Variants in TOP2A observed in about 807,000 individuals in gnomAD.
The protein encoded by TOP2A is DNA topoisomerase 2-alpha.
Under a neutral mutation model 187.2 loss-of-function variants are expected in TOP2A, and 68 were observed. The ratio of observed to expected loss-of-function variants is 0.36; its 90% CI spans 0.30 to 0.44. The LOEUF is 0.44. Among genes scored for constraint, TOP2A ranks in the 20% least tolerant of loss-of-function variants. The probability of loss-of-function intolerance (pLI) is 1.00; values close to 1 mark genes in which losing one functional copy is unlikely to be tolerated. For missense variants in TOP2A, 1,196 were observed against 1,808.7 expected (o/e 0.66, Z 6.14); for synonymous variants, 542 against 593.2 (o/e 0.91, Z 1.25).
intron 10 of TOP2A, chr17:40,409,406 T>C (rs761339472): frequency 1.7e-5 from 7 of 423,232 alleles, no homozygotes; most frequent in Non-Finnish European, 2.3e-5. Flanking sequence ...ATAAATAAAA[T>C]TAGACACAAA....
At chr17:40,407,747 T>A in intron 12 of TOP2A, 73 bp from the exon 13 acceptor site, 1 of 1,406,314 alleles carries the variant, frequency 7.1e-7, no homozygotes, top group Non-Finnish European at 9.5e-7. Context: ...ACAGTATATG[T>A]TGCTTGGATT....
intron 17 of TOP2A, 49 bp from the exon 18 acceptor site, chr17:40,404,540 C>G (rs372772083): frequency 9.0e-7 from 1 of 1,109,434 alleles, no homozygotes; most frequent in Admixed American, 2.3e-5. Context: ...AAACAATGCT[C>G]AACACAAAAA....
chr17:40,390,176 T>C lies in TOP2A; in HGVS notation c.4268-12A>G. On this transcript the variant is annotated splice_polypyrimidine_tract_variant and intron_variant, in intron 33 of 34. Transcript: ENST00000423485. ...GGTGGAAGACTGACCTGCAATTCAA[T>C]ACAGGCATTTGTCACAGCTGCTCTT... is the stretch of plus-strand genomic sequence containing the variant. 1 of 1,602,322 alleles carries C rather than the reference T, an allele frequency of 6.2e-7. No homozygotes were observed. Among genetic ancestry groups the C allele is most frequent in the Non-Finnish European group, 8.5e-7 (1 of 1,175,026 alleles).
chr17:40,392,442 C>T, intron 30 of TOP2A, 101 bp from the exon 31 acceptor site: 1 of 1,478,898 alleles, frequency 6.8e-7, no homozygotes, highest in Non-Finnish European at 9.2e-7. Flanking sequence ...TTTAAATCTC[C>T]TGAAAGATGC....
intron 17 of TOP2A, 59 bp downstream of exon 17, chr17:40,404,732 A>G: frequency 8.9e-7 from 1 of 1,123,868 alleles, no homozygotes. Context: ...TTGCTATAGT[A>G]TCAATACCAA....
intron 27 of TOP2A, among the ~76,000 whole-genome samples, chr17:40,396,787 T>G (rs1018846096): frequency 2.0e-5 from 3 of 152,136 alleles, no homozygotes; most frequent in African/African-American, 7.2e-5. Context: ...AAGGAAGTGA[T>G]GCACACTTAT....
At chr17:40,389,915 C>T (rs770877631) in intron 34 of TOP2A, 50 bp downstream of exon 34, 7 of 1,535,200 alleles carry the variant, frequency 4.6e-6, no homozygotes, top group South Asian at 3.7e-5. Flanking sequence ...GGCTTAGTTA[C>T]GTGTTTCAGA....
Position 40,388,838 on chromosome 17 carries a change from C to T in TOP2A, c.*681G>A, listed in dbSNP as rs774819996. 16 of 198,246 alleles carry T rather than the reference C, an allele frequency of 8.1e-5. No individual in the cohort carries two copies. Among genetic ancestry groups the T allele is most frequent in the Admixed American group, 3.0e-4 (5 of 16,514 alleles). The allele number at this position is 198,246 out of a possible 1,614,324, so 12.3% of individuals were successfully genotyped here. The stretch of plus-strand genomic sequence containing the variant: ...TTGGGAGATTCAGACTCAGAGGCAG[C>T]CAGAGGGGACAGGTCAAGAGCTGAA... On this transcript the variant is annotated 3_prime_UTR_variant, in exon 35 of 35. Transcript: ENST00000423485.
intron 29 of TOP2A, among the ~76,000 whole-genome samples, chr17:40,394,338 T>C (rs916362021): frequency 6.6e-6 from 1 of 152,216 alleles, no homozygotes; most frequent in Non-Finnish European, 1.5e-5. Context: ...TGGCATACTT[T>C]ATTTTTATTT....
intron 1 of TOP2A, chr17:40,417,536 C>G: frequency 7.0e-7 from 1 of 1,424,208 alleles, no homozygotes; most frequent in African/African-American, 1.4e-5. Context: ...GACTCCTGCC[C>G]CTAGAAACAG....
chr17:40,407,447 C>T, intron 13 of TOP2A, 102 bp downstream of exon 13: 3 of 912,362 alleles, frequency 3.3e-6, no homozygotes, highest in Non-Finnish European at 3.2e-6. Flanking sequence ...ATGAATAAAG[C>T]TCCTATTTAA....
At chr17:40,403,083 G>A (rs2143655314) in intron 19 of TOP2A, 29 bp from the exon 20 acceptor site, 1 of 1,569,148 alleles carries the variant, frequency 6.4e-7, no homozygotes, top group Non-Finnish European at 8.7e-7. Context: ...TCATTAAGCT[G>A]AGGCTTTTAC....
chr17:40,399,264 G>A (rs547830009), intron 24 of TOP2A, 133 bp from the exon 25 acceptor site: 24 of 670,008 alleles, frequency 3.6e-5, no homozygotes, highest in East Asian at 1.4e-4. Flanking sequence ...TGTATATCCC[G>A]GTATACAGGC....
chr17:40,410,585 CAAA>C (rs753605894), intron 10 of TOP2A: 227 of 454,914 alleles, frequency 5.0e-4, no homozygotes, highest in Middle Eastern at 1.3e-3. Flanking sequence ...TGTAGTAAAC[CAAA>C]AAAGAGATAA....
intron 10 of TOP2A, among the ~76,000 whole-genome samples, chr17:40,409,787 A>G (rs952504970): frequency 6.6e-6 from 1 of 151,842 alleles, no homozygotes; most frequent in East Asian, 1.9e-4. Context: ...CTCAAAAAAA[A>G]AAAAAAAAAA....
At chr17:40,396,241 A>G (rs1281487096) in intron 28 of TOP2A, 42 bp downstream of exon 28, 3 of 1,172,334 alleles carry the variant, frequency 2.6e-6, no homozygotes, top group South Asian at 1.4e-5. Context: ...TTGGCCCCCA[A>G]AGTGCTGGGA....
At chr17:40,416,278 T>C (rs2035389071) in intron 3 of TOP2A, 144 bp downstream of exon 3, 1 of 715,996 alleles carries the variant, frequency 1.4e-6, no homozygotes, top group African/African-American at 1.8e-5. Flanking sequence ...TATCAACTGA[T>C]TGAAATGACA....
chr17:40,409,264 T>C (rs2035287921), intron 10 of TOP2A: 1 of 310,000 alleles, frequency 3.2e-6, no homozygotes, highest in African/African-American at 2.4e-5. Context: ...TAATCCTAGC[T>C]GCTTGGGAGG....
Position 40,408,472 on chromosome 17 carries a change from A to G in TOP2A, c.1342+20T>C, listed in dbSNP as rs748346268. ...ACAACTATAAGACTTAAAAGTTTGG[A>G]AACATTATTAAATATATACCTGCAT... On this transcript the variant is annotated intron_variant, in intron 11 of 34. Coordinates refer to ENST00000423485, the MANE Select transcript of TOP2A (RefSeq NM_001067.4). 6.3e-7 allele frequency: 1 copy of G among 1,592,980 alleles called. No homozygotes were observed. The highest frequency in any genetic ancestry group is 1.8e-5 in the Admixed American group (1 of 54,672).
Sources: allele counts gnomAD v4.1 joint callset (sites outside exome capture counted in the v4.1 genomes callset), GRCh38; gene constraint gnomAD v4.1.1; transcripts MANE v1.5; gene names NCBI Gene and HGNC (gene_info 2026-07-23, HGNC 2026-07-21).